Variants in IMPG2 observed in about 807,000 individuals in gnomAD.
IMPG2 encodes the protein IPM 200.
In IMPG2, 91 loss-of-function variants were observed where a neutral mutation model predicts 129.2. The observed-to-expected ratio is 0.70, with a 90% CI of 0.59 to 0.84. IMPG2 has a LOEUF of 0.84. Ranked by LOEUF, IMPG2 falls within the 40% of genes least tolerant of loss-of-function variation. The pLI is 0.00. For synonymous variants in IMPG2, 510 were observed against 517.7 expected (o/e 0.99, Z 0.20); for missense variants, 1,430 against 1,461.7 (o/e 0.98, Z 0.35).
chr3:101,309,457 A>T (rs527674769), intron 2 of IMPG2, among the ~76,000 whole-genome samples: 1 of 152,184 alleles, frequency 6.6e-6, no homozygotes, highest in Admixed American at 6.5e-5. Context: ...TTCACATGGC[A>T]TCGGGATAGA....
At chr3:101,309,889 A>T (rs573747676) in intron 2 of IMPG2, among the ~76,000 whole-genome samples, 1 of 152,368 alleles carries the variant, frequency 6.6e-6, no homozygotes, top group South Asian at 2.1e-4. Flanking sequence ...ACATGGATGA[A>T]TCTCAATGGG....
chr3:101,296,309 C>CT (rs1707079488), intron 3 of IMPG2, among the ~76,000 whole-genome samples: 1 of 152,156 alleles, frequency 6.6e-6, no homozygotes. Context: ...TTTTCTGCAT[C>CT]TATTGAGATG....
chr3:101,252,123 G>A (rs1031398392), intron 11 of IMPG2, among the ~76,000 whole-genome samples: 2 of 151,724 alleles, frequency 1.3e-5, no homozygotes, highest in African/African-American at 2.4e-5. Context: ...ATCATTAAGC[G>A]GCAGCCACAA....
Position 101,244,374 on chromosome 3 carries a change from C to G in IMPG2, c.1957G>C (p.Asp653His). The G allele has an allele frequency of 6.2e-7, 1 of 1,614,112 alleles. No individual in the cohort carries two copies. The highest frequency in any genetic ancestry group is 8.5e-7 in the Non-Finnish European group (1 of 1,180,010). The change falls in exon 13 of 19, where the codon GAC (aspartate) becomes CAC (histidine). Residue 653 changes from aspartate to histidine, a missense_variant. Transcript: ENST00000193391. ...ATTTGGTCTGTGGAATCCATTTTGT[C>G]AACTAAAACTAGTTTCTTGTCTTCA... ...EIEDKKLVLV[D>H]KMDSTDQISK...
At chr3:101,276,595 T>C in intron 5 of IMPG2, 69 bp downstream of exon 5, 1 of 1,055,676 alleles carries the variant, frequency 9.5e-7, no homozygotes, top group Middle Eastern at 2.8e-4. Context: ...AAAAATGTAC[T>C]TGTTTGTGAG....
intron 4 of IMPG2, among the ~76,000 whole-genome samples, chr3:101,289,795 G>A (rs1439675645): frequency 6.6e-6 from 1 of 151,758 alleles, no homozygotes; most frequent in East Asian, 1.9e-4. Context: ...GAGACCTCTT[G>A]GCAAGCCTTT....
chr3:101,254,129 T>C (rs1010415943), intron 10 of IMPG2, among the ~76,000 whole-genome samples: 1 of 152,122 alleles, frequency 6.6e-6, no homozygotes, highest in Admixed American at 6.6e-5. Flanking sequence ...AAAGTTGTAC[T>C]GAAATTTCAA....
intron 4 of IMPG2, among the ~76,000 whole-genome samples, chr3:101,288,513 T>A (rs1169328562): frequency 6.6e-6 from 1 of 152,178 alleles, no homozygotes; most frequent in African/African-American, 2.4e-5. Flanking sequence ...TGGAATACTA[T>A]GCAGCGATGA....
chr3:101,285,118 A>C (rs1056552325), intron 4 of IMPG2, among the ~76,000 whole-genome samples: 5 of 152,182 alleles, frequency 3.3e-5, no homozygotes, highest in Non-Finnish European at 7.3e-5. Flanking sequence ...TAAATGTAAA[A>C]AATCTTGTTA....
intron 3 of IMPG2, among the ~76,000 whole-genome samples, chr3:101,298,801 A>G (rs1052074509): frequency 6.6e-6 from 1 of 152,070 alleles, no homozygotes; most frequent in African/African-American, 2.4e-5. Flanking sequence ...TCTGTTGGCA[A>G]CCCTGCCTTT....
chr3:101,250,358 G>A (rs181162810), intron 11 of IMPG2, among the ~76,000 whole-genome samples: 31 of 152,276 alleles, frequency 2.0e-4, no homozygotes, highest in African/African-American at 7.2e-4. Context: ...ATCAGCTCTT[G>A]TCTTGCTCAT....
At position 101,276,717 on chromosome 3, in the gene IMPG2, GA is replaced by G. The variant is rs567795716; in HGVS notation, c.534-5del. ...AACTGGAGAAGACAGTTCAGAGCTA[GA>G]AAAAAAAATGTTTGCAGTTAATAAA... is the stretch of plus-strand genomic sequence containing the variant. On this transcript the variant is annotated splice_region_variant and splice_polypyrimidine_tract_variant and intron_variant, in intron 4 of 18. Coordinates refer to ENST00000193391, the MANE Select transcript of IMPG2 (RefSeq NM_016247.4). 7.5e-5 allele frequency: 119 copies of G among 1,588,668 alleles called. No individual in the cohort carries two copies. The highest frequency in any genetic ancestry group is 9.5e-5 in the African/African-American group (7 of 73,996).
At chr3:101,238,364 G>C (rs1264668359) in intron 14 of IMPG2, among the ~76,000 whole-genome samples, 1 of 152,066 alleles carries the variant, frequency 6.6e-6, no homozygotes, top group African/African-American at 2.4e-5. Context: ...AGGAAATACA[G>C]AGAATCCCAC....
intron 11 of IMPG2, among the ~76,000 whole-genome samples, chr3:101,251,868 T>C (rs1706547530): frequency 6.6e-6 from 1 of 152,156 alleles, no homozygotes; most frequent in South Asian, 2.1e-4. Flanking sequence ...AAAATCTTGC[T>C]AACAATTGGC....
rs764969636 is a variant in IMPG2 at position 101,246,008 on chromosome 3, C to T, written c.1337G>A (p.Gly446Asp). The change falls in exon 12 of 19, where the codon GGC becomes GAC. Residue 446 changes from glycine (G) to aspartate (D), a missense_variant. Physicochemically the swap from Gly to Asp is moderately conservative, Grantham distance 94. Coordinates refer to ENST00000193391, the MANE Select transcript of IMPG2 (RefSeq NM_016247.4). ...DFSSGPPSAT[G>D]RELWSESPLG... ...AGGACTTTCTGACCAGAGTTCCCTG[C>T]CAGTGGCTGAGGGAGGACCAGAGCT... is the stretch of plus-strand genomic sequence containing the variant. 15 of 1,614,098 alleles carry T rather than the reference C, an allele frequency of 9.3e-6. No homozygotes were observed. The highest frequency in any genetic ancestry group is 1.1e-5 in the Non-Finnish European group (13 of 1,179,984).
intron 1 of IMPG2, 66 bp from the exon 2 acceptor site, chr3:101,319,898 G>T: frequency 6.5e-7 from 1 of 1,527,824 alleles, no homozygotes; most frequent in Admixed American, 1.7e-5. Flanking sequence ...AACAACTAAA[G>T]AAAAACTGAC....
At chr3:101,269,185 A>G (rs910603990) in intron 8 of IMPG2, among the ~76,000 whole-genome samples, 2 of 128,650 alleles carry the variant, frequency 1.6e-5, no homozygotes, top group Non-Finnish European at 3.3e-5. Flanking sequence ...GCTTTAGGAA[A>G]ACACTGGGGC....
chr3:101,284,313 TA>T (rs768958283), intron 4 of IMPG2, among the ~76,000 whole-genome samples: 1 of 152,180 alleles, frequency 6.6e-6, no homozygotes, highest in African/African-American at 2.4e-5. Flanking sequence ...AGTTTATAGA[TA>T]AAAAACATTG....
At chr3:101,257,841 A>T in intron 9 of IMPG2, 68 bp from the exon 10 acceptor site, 1 of 1,559,746 alleles carries the variant, frequency 6.4e-7, no homozygotes, top group Non-Finnish European at 8.8e-7. Flanking sequence ...CATTGAACCC[A>T]TGAAGAACAA....
Sources: allele counts gnomAD v4.1 joint callset (sites outside exome capture counted in the v4.1 genomes callset), GRCh38; gene constraint gnomAD v4.1.1; transcripts MANE v1.5; gene names NCBI Gene and HGNC (gene_info 2026-07-23, HGNC 2026-07-21).